The following SORCS3 variants were observed in gnomAD, a reference collection of about 807,000 sequenced individuals.
SORCS3 encodes the protein sortilin related VPS10 domain containing receptor 3.
Under a neutral mutation model 146.3 loss-of-function variants are expected in SORCS3, and 57 were observed. The observed-to-expected ratio is 0.39, with a 90% CI of 0.31 to 0.49. SORCS3 has a LOEUF of 0.49. Among genes scored for constraint, SORCS3 ranks in the 20% least tolerant of loss-of-function variants. The pLI, the probability that SORCS3 is intolerant of heterozygous loss-of-function variation, is 0.92. For synonymous variants in SORCS3, 653 were observed against 618.5 expected (o/e 1.06, Z -0.83); for missense variants, 1,341 against 1,575.5 (o/e 0.85, Z 2.52).
At chr10:105,162,889 T>C (rs1269935238) in intron 11 of SORCS3, among the ~76,000 whole-genome samples, 2 of 152,174 alleles carry the variant, frequency 1.3e-5, no homozygotes, top group Non-Finnish European at 2.9e-5. Flanking sequence ...CACCACCACA[T>C]TCTATTCTGT....
chr10:104,849,762 G>A (rs762941421), intron 2 of SORCS3, among the ~76,000 whole-genome samples: 12 of 152,180 alleles, frequency 7.9e-5, no homozygotes, highest in Non-Finnish European at 1.8e-4. Flanking sequence ...TTCATACCCT[G>A]TTAGCTCAGC....
At chr10:105,105,940 CT>C (rs1431888747) in intron 7 of SORCS3, among the ~76,000 whole-genome samples, 1 of 152,168 alleles carries the variant, frequency 6.6e-6, no homozygotes, top group Non-Finnish European at 1.5e-5. Context: ...AAACTTTCCC[CT>C]TCTTTCCAGT....
At chr10:105,211,059 G>A (rs930330246) in intron 16 of SORCS3, 78 bp from the exon 17 acceptor site, 52 of 907,668 alleles carry the variant, frequency 5.7e-5, no homozygotes, top group Non-Finnish European at 7.7e-5. Flanking sequence ...ATAGGGACAT[G>A]TATATGTTTG....
intron 1 of SORCS3, among the ~76,000 whole-genome samples, chr10:104,793,627 G>T (rs1403964081): frequency 6.6e-6 from 1 of 152,144 alleles, no homozygotes; most frequent in Non-Finnish European, 1.5e-5. Flanking sequence ...CAGTAATATG[G>T]CTTTTAGTAT....
intron 1 of SORCS3, among the ~76,000 whole-genome samples, chr10:104,740,871 G>A (rs534925918): frequency 3.9e-5 from 6 of 152,226 alleles, no homozygotes; most frequent in African/African-American, 1.2e-4. Context: ...TTAACATAAA[G>A]TTAATCTTTC....
chr10:104,703,801 C>T (rs1484005911), intron 1 of SORCS3, among the ~76,000 whole-genome samples: 3 of 148,364 alleles, frequency 2.0e-5, no homozygotes, highest in East Asian at 4.0e-4. Context: ...TGAAAGAAAT[C>T]AGAGAGGTTT....
rs1366747414 is a variant in SORCS3 at position 105,177,368 on chromosome 10, T to A, written c.1902-698T>A. 2.0e-5 allele frequency among the ~76,000 whole-genome samples: 3 copies of A among 152,224 alleles called. No individual in the cohort carries two copies. The East Asian group carries it at 5.8e-4, about 30-fold the overall frequency. On this transcript the variant is annotated intron_variant, in intron 13 of 26. Coordinates refer to ENST00000369701, the MANE Select transcript of SORCS3 (RefSeq NM_014978.3). ...CCTTGGGCTATGCCCCCTGGTTAAA[T>A]CAAGGGGCAGAAAGGTCCTTGATAA...
chr10:104,997,803 G>C (rs531891698), intron 4 of SORCS3, among the ~76,000 whole-genome samples: 8 of 152,132 alleles, frequency 5.3e-5, no homozygotes, highest in Non-Finnish European at 7.3e-5. Context: ...CTGAGGACTT[G>C]ATGGATTTAA....
chr10:105,074,654 A>G (rs565265704), intron 5 of SORCS3, among the ~76,000 whole-genome samples: 2 of 152,168 alleles, frequency 1.3e-5, no homozygotes, highest in African/African-American at 4.8e-5. Flanking sequence ...TATGGTTACA[A>G]CCTCTTCCCT....
intron 5 of SORCS3, among the ~76,000 whole-genome samples, 177 bp downstream of exon 5, chr10:105,043,305 C>A (rs1230044528): frequency 1.3e-5 from 2 of 152,180 alleles, no homozygotes; most frequent in East Asian, 3.9e-4. Flanking sequence ...GTTAGAAATG[C>A]AGAATCTCAG....
intron 1 of SORCS3, among the ~76,000 whole-genome samples, chr10:104,803,281 A>G (rs2017644753): frequency 6.6e-6 from 1 of 152,198 alleles, no homozygotes; most frequent in Non-Finnish European, 1.5e-5. Context: ...TTCTGTTTCT[A>G]AAAGAAAGAG....
intron 1 of SORCS3, among the ~76,000 whole-genome samples, chr10:104,835,204 C>A (rs1482904356): frequency 6.6e-6 from 1 of 152,138 alleles, no homozygotes; most frequent in African/African-American, 2.4e-5. Flanking sequence ...GGGGAGGCTC[C>A]TCTAGGTGGG....
At chr10:105,178,014 G>C in intron 13 of SORCS3, 52 bp from the exon 14 acceptor site, 1 of 1,347,844 alleles carries the variant, frequency 7.4e-7, no homozygotes, top group African/African-American at 1.4e-5. Flanking sequence ...GGTTACAGAA[G>C]AGTGTGGCTT....
intron 1 of SORCS3, among the ~76,000 whole-genome samples, chr10:104,748,391 A>T (rs1341637713): frequency 6.6e-6 from 1 of 152,226 alleles, no homozygotes; most frequent in African/African-American, 2.4e-5. Context: ...TCAGTATATC[A>T]GTTCAGTTTA....
At chr10:105,054,776 C>T (rs1156355001) in intron 5 of SORCS3, among the ~76,000 whole-genome samples, 1 of 152,138 alleles carries the variant, frequency 6.6e-6, no homozygotes, top group Non-Finnish European at 1.5e-5. Context: ...GTGGCCAGAA[C>T]ACATTGTGTT....
At chr10:104,963,812 G>C (rs1349815464) in intron 3 of SORCS3, among the ~76,000 whole-genome samples, 1 of 152,026 alleles carries the variant, frequency 6.6e-6, no homozygotes, top group East Asian at 1.9e-4. Flanking sequence ...AGTTGTTCAG[G>C]CCCCAAATCT....
chr10:105,140,979 G>A (rs1244601716), intron 8 of SORCS3, among the ~76,000 whole-genome samples: 2 of 152,192 alleles, frequency 1.3e-5, no homozygotes, highest in Non-Finnish European at 2.9e-5. Context: ...TTCTAAAGGA[G>A]AATGCCCCGT....
At chr10:105,251,312 A>T (rs539336273) in intron 22 of SORCS3, among the ~76,000 whole-genome samples, 11 of 152,264 alleles carry the variant, frequency 7.2e-5, no homozygotes, top group African/African-American at 1.9e-4. Context: ...TGAGAACAGG[A>T]TGGGGGAAAC....
At chr10:104,761,636 C>T (rs1465994673) in intron 1 of SORCS3, among the ~76,000 whole-genome samples, 1 of 152,182 alleles carries the variant, frequency 6.6e-6, no homozygotes, top group Non-Finnish European at 1.5e-5. Flanking sequence ...ACAGTCTAAT[C>T]TCCCCTTGGG....
Sources: allele counts gnomAD v4.1 joint callset (sites outside exome capture counted in the v4.1 genomes callset), GRCh38; gene constraint gnomAD v4.1.1; transcripts MANE v1.5; gene names NCBI Gene and HGNC (gene_info 2026-07-23, HGNC 2026-07-21).